Variants in SOCS2 observed in about 807,000 individuals in gnomAD.
SOCS2 encodes the protein CIS-2.
A neutral mutation model predicts 18.6 loss-of-function variants in SOCS2; 10 were observed. That is an observed-to-expected ratio of 0.54 (90% CI 0.33 to 0.91). The LOEUF (loss-of-function observed/expected upper bound fraction) is 0.91. Among genes scored for constraint, SOCS2 ranks in the 40% least tolerant of loss-of-function variants. The pLI is 0.02. For missense variants in SOCS2, 231 were observed against 247.2 expected (o/e 0.93, Z 0.44); for synonymous variants, 104 against 104.0 (o/e 1.00, Z 0.00).
the SOCS2 span, among the ~76,000 whole-genome samples, chr12:93,618,826 G>A: frequency 6.6e-6 from 1 of 152,340 alleles, no homozygotes. Context: ...CAAGGATGTT[G>A]TCTACCTTGT....
chr12:93,613,245 G>C, the SOCS2 span, among the ~76,000 whole-genome samples: 2 of 152,146 alleles, frequency 1.3e-5, no homozygotes, highest in Non-Finnish European at 2.9e-5. Context: ...ATAGAAAAAA[G>C]GGAGAACTCA....
the SOCS2 span, among the ~76,000 whole-genome samples, chr12:93,590,838 T>A: frequency 7.5e-6 from 1 of 133,232 alleles, no homozygotes; most frequent in Admixed American, 7.5e-5. Flanking sequence ...CTTCCCAGTG[T>A]ACACATGAAA....
the SOCS2 span, among the ~76,000 whole-genome samples, chr12:93,617,960 T>A: frequency 1.3e-5 from 2 of 152,148 alleles, no homozygotes; most frequent in Non-Finnish European, 2.9e-5. Context: ...TCACGTCAAA[T>A]TATAATCCCC....
the SOCS2 span, among the ~76,000 whole-genome samples, chr12:93,614,546 T>C: frequency 6.8e-4 from 14 of 20,704 alleles, no homozygotes; most frequent in Non-Finnish European, 7.2e-4. Flanking sequence ...CTTCCTTCTT[T>C]CTTTCTTTCT....
chr12:93,582,208 G>T (rs1463170650), intron 1 of SOCS2, among the ~76,000 whole-genome samples: 1 of 152,184 alleles, frequency 6.6e-6, no homozygotes, highest in Admixed American at 6.5e-5. Context: ...GAGTGGGGAA[G>T]ATCTTTTGGC....
downstream of SOCS2, among the ~76,000 whole-genome samples, chr12:93,587,676 G>C (rs1005855342): frequency 1.5e-5 from 2 of 137,228 alleles, no homozygotes; most frequent in Non-Finnish European, 3.0e-5. Context: ...GCGAGACTCT[G>C]TCTAAAAAAA....
downstream of SOCS2, among the ~76,000 whole-genome samples, chr12:93,578,682 G>GCGCA (rs150815945): frequency 4.8e-5 from 7 of 146,560 alleles, no homozygotes; most frequent in African/African-American, 1.3e-4. Flanking sequence ...TTGCATGCTC[G>GCGCA]CACACACACA....
chr12:93,579,249 TA>T (rs916178129), downstream of SOCS2, among the ~76,000 whole-genome samples: 4 of 152,218 alleles, frequency 2.6e-5, no homozygotes, highest in Non-Finnish European at 4.4e-5. Context: ...TTTCCTATCA[TA>T]AAGTTGCCCT....
At chr12:93,624,629 G>A in the SOCS2 span, among the ~76,000 whole-genome samples, 1 of 152,144 alleles carries the variant, frequency 6.6e-6, no homozygotes, top group Non-Finnish European at 1.5e-5. Context: ...TGTTATAGCA[G>A]CACAAACAGA....
At chr12:93,599,407 C>T in the SOCS2 span, among the ~76,000 whole-genome samples, 1 of 152,068 alleles carries the variant, frequency 6.6e-6, no homozygotes, top group Non-Finnish European at 1.5e-5. Context: ...AGTGATCCTC[C>T]CACTTTGGCC....
chr12:93,624,737 C>T, the SOCS2 span, among the ~76,000 whole-genome samples: 1 of 152,122 alleles, frequency 6.6e-6, no homozygotes, highest in Non-Finnish European at 1.5e-5. Flanking sequence ...TCAGAAATTG[C>T]TGGAACCCAT....
At chr12:93,613,347 C>T in the SOCS2 span, among the ~76,000 whole-genome samples, 8 of 152,206 alleles carry the variant, frequency 5.3e-5, no homozygotes, top group Non-Finnish European at 1.2e-4. Context: ...TTTCTGCAGC[C>T]CTGTTTTTTG....
At chr12:93,616,241 T>C in the SOCS2 span, among the ~76,000 whole-genome samples, 1 of 152,160 alleles carries the variant, frequency 6.6e-6, no homozygotes, top group Non-Finnish European at 1.5e-5. Context: ...ATGTGCTCCA[T>C]TGGGGTTGCT....
chr12:93,623,521 G>A, the SOCS2 span, among the ~76,000 whole-genome samples: 1 of 152,052 alleles, frequency 6.6e-6, no homozygotes, highest in Non-Finnish European at 1.5e-5. Context: ...CTGGTGTGCT[G>A]CACCGGGAAG....
chr12:93,595,105 G>A, the SOCS2 span, among the ~76,000 whole-genome samples: 92 of 152,136 alleles, frequency 6.0e-4, 1 homozygote, highest in Middle Eastern at 6.8e-3. Flanking sequence ...AAGTATTGCC[G>A]ACTTAAAAGC....
the SOCS2 span, among the ~76,000 whole-genome samples, chr12:93,614,405 CTTTCTTTCTTT>C: frequency 1.4e-5 from 2 of 140,896 alleles, no homozygotes; most frequent in Admixed American, 1.4e-4. Flanking sequence ...TTCTTTCTTT[CTTTCTTTCTTT>C]CTTCCTTTCT....
chr12:93,570,907 T>C (rs985591676), upstream of SOCS2: 1 of 152,312 alleles, frequency 6.6e-6, no homozygotes, highest in African/African-American at 2.4e-5. Context: ...TCCTGGAAAG[T>C]TCCTGGAAAG....
At chr12:93,571,847 C>A (rs550794471), upstream of SOCS2, 2 of 428,014 alleles carry the variant, frequency 4.7e-6, no homozygotes, top group Non-Finnish European at 9.3e-6. Flanking sequence ...CCCCACCCCC[C>A]CGCCCCATGT....
the SOCS2 span, among the ~76,000 whole-genome samples, chr12:93,592,508 A>G: frequency 6.6e-6 from 1 of 152,226 alleles, no homozygotes; most frequent in African/African-American, 2.4e-5. Context: ...ACATTCTTAG[A>G]AGTGGAACTT....
Sources: gnomAD v4.1 joint callset for allele counts (sites outside exome capture counted in the v4.1 genomes callset) on GRCh38, gnomAD v4.1.1 for gene constraint, MANE v1.5 for transcripts, NCBI Gene and HGNC (gene_info 2026-07-23, HGNC 2026-07-21) for gene names.